The following NFATC1 variants were observed in gnomAD, a reference collection of about 807,000 sequenced individuals.
NFATC1 encodes nuclear factor of activated T-cells, cytoplasmic 1.
Under a neutral mutation model 76.0 loss-of-function variants are expected in NFATC1, and 22 were observed. The ratio of observed to expected loss-of-function variants is 0.29; its 90% confidence interval spans 0.21 to 0.41. The LOEUF (loss-of-function observed/expected upper bound fraction) is 0.41. Among genes scored for constraint, NFATC1 ranks in the 10% least tolerant of loss-of-function variants. The pLI, the probability that NFATC1 is intolerant of heterozygous loss-of-function variation, is 1.00. For missense variants in NFATC1, 1,357 were observed against 1,337.7 expected, an observed-to-expected ratio of 1.01 and a Z score of -0.23; for synonymous variants, 704 against 613.1, an observed-to-expected ratio of 1.15 and a Z score of -2.19.
At chr18:79,441,011 AGGACACCGGGCCTTGTCTGT>A (rs1218935588) in intron 3 of NFATC1, among the ~76,000 whole-genome samples, 2 of 152,160 alleles carry the variant, frequency 1.3e-5, no homozygotes, top group African/African-American at 4.8e-5. Flanking sequence ...TCCTCCAGGC[AGGACACCGGGCCTTGTCTGT>A]GGACAGAGGC....
chr18:79,423,063 T>G (rs1247462582), intron 2 of NFATC1, among the ~76,000 whole-genome samples: 1 of 150,882 alleles, frequency 6.6e-6, no homozygotes, highest in South Asian at 2.1e-4. Context: ...CCAAAGCTGT[T>G]GTGAGGCTCA....
At chr18:79,479,423 A>G (rs1305427274) in intron 8 of NFATC1, among the ~76,000 whole-genome samples, 2 of 152,140 alleles carry the variant, frequency 1.3e-5, no homozygotes, top group Non-Finnish European at 2.9e-5. Flanking sequence ...ACGCTCACTC[A>G]CTTTCTCACT....
chr18:79,470,650 G>T (rs2088745627), intron 8 of NFATC1: 1 of 152,170 alleles, frequency 6.6e-6, no homozygotes, highest in South Asian at 2.1e-4. Context: ...TTGGCCACCA[G>T]CCGCCCGCAC....
rs569814733 is a variant in NFATC1, at chr18:79,409,943, G to A, written c.128-460G>A. On this transcript the variant is annotated intron_variant, in intron 1 of 9. Transcript: ENST00000427363. Reference sequence around the variant, plus strand: ...AATAAACTAGAGAAGGATGGCCCACGTGTTGAGTTTGGGGTTTAAATGAAG... The same window carrying A: ...AATAAACTAGAGAAGGATGGCCCACATGTTGAGTTTGGGGTTTAAATGAAG... 121 of 490,262 alleles carry A rather than the reference G, an allele frequency of 2.5e-4. 1 individual carries two copies. The highest frequency in any genetic ancestry group is 2.2e-3 in the African/African-American group (112 of 51,432). 30.4% of individuals were successfully genotyped at this position (490,262 alleles called of 1,614,324 possible).
At chr18:79,460,197 C>T (rs1403767635) in intron 6 of NFATC1, among the ~76,000 whole-genome samples, 1 of 152,154 alleles carries the variant, frequency 6.6e-6, no homozygotes, top group Non-Finnish European at 1.5e-5. Flanking sequence ...GGCAGCAGCC[C>T]GGCACTGTAA....
rs145528834 is a variant in NFATC1, at chr18:79,477,179, G to A, written c.2093-9069G>A. Among the ~76,000 whole-genome samples the A allele has an allele frequency of 5.5e-3, 832 of 152,322 alleles. 10 individuals are homozygous for A. Among genetic ancestry groups the A allele is most frequent in the African/African-American group, 0.019 (772 of 41,560 alleles). ...CATTGTTTGAGAAAAGTCATGCCCC[G>A]GAGGTGTCATTCCTGGTTGTTTATG... is the stretch of plus-strand genomic sequence containing the variant. On this transcript the variant is annotated intron_variant, in intron 8 of 9. Coordinates refer to ENST00000427363, the MANE Select transcript of NFATC1 (RefSeq NM_001278669.2).
intron 5 of NFATC1, 86 bp from the exon 6 acceptor site, chr18:79,451,590 T>G: frequency 1.4e-6 from 2 of 1,379,736 alleles, no homozygotes; most frequent in Non-Finnish European, 1.9e-6. Flanking sequence ...GTGGGTCGGC[T>G]CACGTGTGAC....
At chr18:79,527,375 T>C in intron 9 of NFATC1, 153 bp from the exon 10 acceptor site, 3 of 640,134 alleles carry the variant, frequency 4.7e-6, no homozygotes, top group Non-Finnish European at 5.5e-6. Flanking sequence ...ACGACACTCA[T>C]GGACCAGGGT....
chr18:79,400,380 G>GCCCCGT (rs781370439), intron 1 of NFATC1: 1 of 1,477,038 alleles, frequency 6.8e-7, no homozygotes. Context: ...CCCGGCCCCG[G>GCCCCGT]CCCGACCCGC....
In NFATC1 at chr18:79,410,454, C is replaced by T. The variant is rs149504014; in HGVS notation, c.179C>T (p.Thr60Met). The T allele has an allele frequency of 2.2e-4, 349 of 1,612,262 alleles. No homozygotes were observed. The highest frequency in any genetic ancestry group is 2.6e-4 in the Non-Finnish European group (308 of 1,179,792). Reference sequence around the variant, plus strand: ...GTCAGCCCCGCCCTGCCGCTCCCCACGGCGCACTCCACCCTGCCGGCCCCG... The same window carrying T: ...GTCAGCCCCGCCCTGCCGCTCCCCATGGCGCACTCCACCCTGCCGGCCCCG... Reference protein sequence around the residue: ...SNVSPALPLPTAHSTLPAPCH... With the variant: ...SNVSPALPLPMAHSTLPAPCH... Residue 60 changes from threonine to methionine, a missense_variant, in exon 2 of 10, where the codon ACG becomes ATG. By Grantham distance (81) the Thr-to-Met change is moderately conservative (BLOSUM62 -1). This residue lies in a region of NFATC1 where 691 missense variants were observed against 613.1 expected (regional missense o/e 1.13). Transcript: ENST00000427363. The surrounding 1 kb of genome is among the most constrained non-coding windows in gnomAD (Gnocchi z 6.7).
At chr18:79,464,476 G>A (rs1421085417) in intron 7 of NFATC1, among the ~76,000 whole-genome samples, 2 of 150,634 alleles carry the variant, frequency 1.3e-5, no homozygotes, top group East Asian at 1.9e-4. Context: ...CATACTCATC[G>A]TGGACATTTG....
chr18:79,396,496 C>G, intron 1 of NFATC1, 145 bp downstream of exon 1: 1 of 392,476 alleles, frequency 2.5e-6, no homozygotes. Context: ...GGGAGGGGCG[C>G]GGCGCGGACC....
intron 4 of NFATC1, 70 bp downstream of exon 4, chr18:79,449,054 G>T (rs1433555273): frequency 2.0e-6 from 3 of 1,499,708 alleles, no homozygotes; most frequent in Non-Finnish European, 2.7e-6. Flanking sequence ...TCCCAGTCCC[G>T]GGGGGTCTGG....
chr18:79,517,502 C>T (rs538334148), intron 9 of NFATC1, among the ~76,000 whole-genome samples: 3 of 152,262 alleles, frequency 2.0e-5, no homozygotes, highest in East Asian at 1.9e-4. Context: ...GCCTGCTGGA[C>T]GGAAAGTGAG....
chr18:79,478,727 G>C (rs1024643454), intron 8 of NFATC1, among the ~76,000 whole-genome samples: 2 of 152,210 alleles, frequency 1.3e-5, no homozygotes, highest in African/African-American at 4.8e-5. Context: ...CCTGCATGGG[G>C]CCTGGAAACG....
At chr18:79,451,558 G>T in intron 5 of NFATC1, 118 bp from the exon 6 acceptor site, 1 of 1,186,910 alleles carries the variant, frequency 8.4e-7, no homozygotes, top group Non-Finnish European at 1.1e-6. Context: ...CGGCCCGCAG[G>T]TCGTGGCGGT....
intron 1 of NFATC1, among the ~76,000 whole-genome samples, chr18:79,404,732 C>CA (rs2085376078): frequency 6.6e-6 from 1 of 152,206 alleles, no homozygotes; most frequent in Non-Finnish European, 1.5e-5. Flanking sequence ...CAGTGCTGGC[C>CA]TGATGCGCAA....
intron 5 of NFATC1, 129 bp downstream of exon 5, chr18:79,451,255 G>A: frequency 1.7e-6 from 2 of 1,182,584 alleles, no homozygotes; most frequent in Non-Finnish European, 2.3e-6. Context: ...ACCCACCACA[G>A]TGTGTGGCCA....
At chr18:79,486,208 G>A (rs376717719) in intron 8 of NFATC1, 40 bp from the exon 9 acceptor site, 9 of 1,564,740 alleles carry the variant, frequency 5.8e-6, no homozygotes, top group African/African-American at 1.4e-5. Context: ...ACACTCATTC[G>A]CAACTTGTGT....
Sources: gnomAD v4.1 joint callset for allele counts (sites outside exome capture counted in the v4.1 genomes callset) on GRCh38, gnomAD v4.1.1 for gene constraint, gnomAD v4.1.1 regional missense constraint, Gnocchi (gnomAD v3.1) non-coding constraint, MANE v1.5 for transcripts, NCBI Gene and HGNC (gene_info 2026-07-23, HGNC 2026-07-21) for gene names.